The following ARMC2 variants were observed in gnomAD, a reference collection of about 807,000 sequenced individuals.
The protein encoded by ARMC2 is armadillo repeat-containing protein 2.
A neutral mutation model predicts 90.3 loss-of-function variants in ARMC2; 67 were observed. The observed-to-expected ratio is 0.74, with a 90% CI of 0.61 to 0.91. The LOEUF (loss-of-function observed/expected upper bound fraction) is 0.91. ARMC2 is among the 40% of genes least tolerant of loss of function. The pLI is 0.00. For synonymous variants in ARMC2, 393 were observed against 393.0 expected, an observed-to-expected ratio of 1.00 and a Z score of 0.00; for missense variants, 920 against 1,030.9, an observed-to-expected ratio of 0.89 and a Z score of 1.47.
the ARMC2 span, among the ~76,000 whole-genome samples, chr6:108,984,100 G>A: frequency 6.6e-6 from 1 of 152,164 alleles, no homozygotes; most frequent in Non-Finnish European, 1.5e-5. Flanking sequence ...CTCCTTGTAA[G>A]AATCTAATAC....
At chr6:109,013,762 TTTA>T in the ARMC2 span, among the ~76,000 whole-genome samples, 1 of 152,230 alleles carries the variant, frequency 6.6e-6, no homozygotes, top group African/African-American at 2.4e-5. Flanking sequence ...ATTTATGTGG[TTTA>T]AGCATTCTTG....
At chr6:108,937,980 G>A (rs948938644) in intron 12 of ARMC2, among the ~76,000 whole-genome samples, 2 of 152,152 alleles carry the variant, frequency 1.3e-5, no homozygotes, top group South Asian at 2.1e-4. Context: ...GATTATAGGC[G>A]TGAGCCACTG....
Position 108,973,368 on chromosome 6 carries a change from GC to G in ARMC2, c.2459del (p.Ala820AspfsTer10). On this transcript the variant is annotated frameshift_variant, in exon 18 of 18. Coordinates refer to ENST00000392644, the MANE Select transcript of ARMC2 (RefSeq NM_032131.6). LOFTEE classifies it high-confidence loss of function. ...TTTTTCTAATACAGATGAAGAACTA[GC>G]ACTGGATGGCAGTTTTGATCCAGAC... Reference protein sequence around the residue: ...LLSSFLDEELALDGSFDPDLK... With the variant: ...LLSSFLDEELXLDGSFDPDLK... 6.2e-7 allele frequency: 1 copy of G among 1,612,442 alleles called. No homozygotes were observed. The highest frequency in any genetic ancestry group is 1.3e-5 in the African/African-American group (1 of 74,970).
intron 5 of ARMC2, among the ~76,000 whole-genome samples, chr6:108,880,663 A>T (rs890580135): frequency 6.6e-6 from 1 of 151,970 alleles, no homozygotes; most frequent in Non-Finnish European, 1.5e-5. Flanking sequence ...TTGTGAACCA[A>T]TGTGTTCCTT....
chr6:108,891,540 T>A (rs1185352166), intron 5 of ARMC2, among the ~76,000 whole-genome samples: 1 of 152,270 alleles, frequency 6.6e-6, no homozygotes, highest in African/African-American at 2.4e-5. Flanking sequence ...GTTGGCCGCA[T>A]AAATGTCTTC....
At chr6:108,891,994 T>C (rs1771088022) in intron 5 of ARMC2, among the ~76,000 whole-genome samples, 1 of 152,350 alleles carries the variant, frequency 6.6e-6, no homozygotes, top group South Asian at 2.1e-4. Context: ...CTTCATTTTT[T>C]CCCCTAGAAG....
chr6:108,883,424 G>C (rs541879240), intron 5 of ARMC2, among the ~76,000 whole-genome samples: 3 of 151,608 alleles, frequency 2.0e-5, no homozygotes, highest in Non-Finnish European at 4.4e-5. Context: ...TTTTGTTTTC[G>C]TATTGGATTA....
At chr6:109,010,221 A>C in the ARMC2 span, among the ~76,000 whole-genome samples, 2 of 152,170 alleles carry the variant, frequency 1.3e-5, no homozygotes, top group African/African-American at 4.8e-5. Flanking sequence ...ATAAAGACAG[A>C]ATTTCAATCT....
intron 4 of ARMC2, among the ~76,000 whole-genome samples, chr6:108,870,591 AAAAAG>A (rs965485078): frequency 6.6e-6 from 1 of 151,914 alleles, no homozygotes; most frequent in African/African-American, 2.4e-5. Context: ...AAAGGAAAGA[AAAAAG>A]GAAAGAAGGA....
At chr6:108,854,059 C>G (rs1401384204) in intron 1 of ARMC2, among the ~76,000 whole-genome samples, 166 bp from the exon 2 acceptor site, 2 of 152,012 alleles carry the variant, frequency 1.3e-5, no homozygotes, top group African/African-American at 4.8e-5. Flanking sequence ...AAATTTTCCT[C>G]TCTACATTTT....
At chr6:109,052,956 AT>A in the ARMC2 span, among the ~76,000 whole-genome samples, 1 of 152,280 alleles carries the variant, frequency 6.6e-6, no homozygotes, top group East Asian at 1.9e-4. Flanking sequence ...CAAACAATCA[AT>A]AAAGTAATTG....
intron 17 of ARMC2, among the ~76,000 whole-genome samples, chr6:108,967,285 C>A (rs779182458): frequency 2.0e-5 from 3 of 152,184 alleles, no homozygotes; most frequent in African/African-American, 7.2e-5. Context: ...AGGGCTTTCC[C>A]GCATAGGCAG....
downstream of ARMC2, among the ~76,000 whole-genome samples, chr6:108,975,120 A>G (rs1778959841): frequency 6.6e-6 from 1 of 151,772 alleles, no homozygotes; most frequent in African/African-American, 2.4e-5. Flanking sequence ...CCCATCATCT[A>G]CATTAGGTAT....
At position 108,961,606 on chromosome 6, in the gene ARMC2, G is replaced by A; in HGVS notation, c.1950G>A (p.Val650=). ...YKSLDDCEEL[V]INATATINNL... ...CACTTGATGATTGTGAGGAGCTGGT[G>A]ATCAATGCTACAGCGACAATCAACA... is the stretch of plus-strand genomic sequence containing the variant. Residue 650 remains valine, a synonymous_variant, in exon 14 of 18, where the codon GTG becomes GTA. Transcript: ENST00000392644. 1 of 1,611,348 alleles carries A rather than the reference G, an allele frequency of 6.2e-7. No individual in the cohort carries two copies. Among genetic ancestry groups the A allele is most frequent in the Non-Finnish European group, 8.5e-7 (1 of 1,179,066 alleles).
At chr6:109,002,927 A>T in the ARMC2 span, among the ~76,000 whole-genome samples, 4 of 152,128 alleles carry the variant, frequency 2.6e-5, no homozygotes, top group Non-Finnish European at 5.9e-5. Flanking sequence ...AGTTTGCCTT[A>T]AATTAAGTTT....
the ARMC2 span, among the ~76,000 whole-genome samples, chr6:108,994,803 C>T: frequency 6.6e-6 from 1 of 150,510 alleles, no homozygotes; most frequent in Non-Finnish European, 1.5e-5. Flanking sequence ...CCCAGGTTCA[C>T]GCCATTCTCC....
chr6:108,911,459 A>T (rs1418813858), intron 9 of ARMC2, among the ~76,000 whole-genome samples: 1 of 152,136 alleles, frequency 6.6e-6, no homozygotes, highest in Non-Finnish European at 1.5e-5. Context: ...CTAATGCCTA[A>T]TTTTTGTTGT....
intron 10 of ARMC2, among the ~76,000 whole-genome samples, chr6:108,925,353 T>A (rs368679357): frequency 2.6e-5 from 4 of 152,234 alleles, no homozygotes; most frequent in African/African-American, 9.6e-5. Flanking sequence ...ATTCATTCCA[T>A]TAATAAATGC....
chr6:108,988,574 C>A, the ARMC2 span: 1 of 1,612,486 alleles, frequency 6.2e-7, no homozygotes, highest in Non-Finnish European at 8.5e-7. Flanking sequence ...CCTCCAGAAG[C>A]TATCATACAT....
Sources: gnomAD v4.1 joint callset for allele counts (sites outside exome capture counted in the v4.1 genomes callset) on GRCh38, gnomAD v4.1.1 for gene constraint, MANE v1.5 for transcripts, NCBI Gene and HGNC (gene_info 2026-07-23, HGNC 2026-07-21) for gene names.